VPS13A: variants seen among roughly 807,000 people sequenced by gnomAD.
The protein encoded by VPS13A is vacuolar protein sorting 13 homolog A, also known as intermembrane lipid transfer protein VPS13A.
Under a neutral mutation model 390.9 loss-of-function variants are expected in VPS13A, and 264 were observed. The ratio of observed to expected loss-of-function variants is 0.68; its 90% confidence interval spans 0.61 to 0.75. VPS13A has a LOEUF of 0.75. VPS13A is among the 30% of genes least tolerant of loss of function. The pLI, the probability that VPS13A is intolerant of heterozygous loss-of-function variation, is 0.00. For synonymous variants in VPS13A, 1,231 were observed against 1,227.1 expected (o/e 1.00, Z -0.07); for missense variants, 3,409 against 3,733.9 (o/e 0.91, Z 2.27).
At chr9:77,252,754 G>A (rs897186270) in intron 22 of VPS13A, among the ~76,000 whole-genome samples, 1 of 152,144 alleles carries the variant, frequency 6.6e-6, no homozygotes, top group Admixed American at 6.5e-5. Context: ...CAGATTTTGT[G>A]TGCCTGGGTT....
intron 16 of VPS13A, 21 bp from the exon 17 acceptor site, chr9:77,228,101 A>G (rs377059688): frequency 4.5e-5 from 69 of 1,531,028 alleles, no homozygotes; most frequent in Non-Finnish European, 6.1e-5. Context: ...TTTTCATTTT[A>G]TTCTTCTGAA....
At chr9:77,340,664 T>C (rs536266320) in intron 50 of VPS13A, 114 bp downstream of exon 50, 39 of 1,313,834 alleles carry the variant, frequency 3.0e-5, no homozygotes, top group Non-Finnish European at 1.4e-5. Flanking sequence ...AATTTTGTTT[T>C]AGTTTCATGA....
intron 1 of VPS13A, among the ~76,000 whole-genome samples, chr9:77,197,449 T>C (rs1372902714): frequency 2.0e-5 from 3 of 152,230 alleles, no homozygotes; most frequent in Non-Finnish European, 4.4e-5. Context: ...TCATGTTTGG[T>C]GCATACATGT....
chr9:77,275,393 T>A, intron 24 of VPS13A, 105 bp from the exon 25 acceptor site: 1 of 1,098,458 alleles, frequency 9.1e-7, no homozygotes. Flanking sequence ...TATTTGATAT[T>A]TAAAAGAGAG....
chr9:77,204,756 C>T (rs1237602209), intron 3 of VPS13A, among the ~76,000 whole-genome samples: 4 of 152,092 alleles, frequency 2.6e-5, no homozygotes, highest in Non-Finnish European at 4.4e-5. Flanking sequence ...TCCCAGGTAG[C>T]TGGGACTACA....
chr9:77,395,278 C>G (rs1032542433), intron 68 of VPS13A, among the ~76,000 whole-genome samples: 2 of 152,052 alleles, frequency 1.3e-5, no homozygotes, highest in Non-Finnish European at 2.9e-5. Context: ...ATTGTTGTTT[C>G]TCACGTAATA....
At position 77,353,481 on chromosome 9, in the gene VPS13A, A is replaced by G. The variant is rs1831590291; in HGVS notation, c.7492A>G (p.Ile2498Val). The change falls in exon 54 of 72, where the codon ATT becomes GTT. Residue 2498 changes from isoleucine to valine, a missense_variant. Ile to Val is a conservative substitution (Grantham distance 29). This residue lies in a region of VPS13A where 221 missense variants were observed against 300.7 expected (regional missense o/e 0.73). Coordinates refer to ENST00000360280, the MANE Select transcript of VPS13A (RefSeq NM_033305.3). ...LVSFFEGLQR[I>V]ILFTEDPRVF... is the part of the protein sequence containing the mutation. ...TTCATTCTTTGAAGGTTTACAACGCATTATTTTATTCACTGAAGATCCAAG... is the reference window on the plus strand; with the variant it reads ...TTCATTCTTTGAAGGTTTACAACGCGTTATTTTATTCACTGAAGATCCAAG... 6.2e-7 allele frequency: 1 copy of G among 1,613,038 alleles called. No homozygotes were observed. The highest frequency in any genetic ancestry group is 1.3e-5 in the African/African-American group (1 of 74,904).
At chr9:77,339,448 T>TAGAATTTTG (rs1830698347) in intron 47 of VPS13A, 68 bp from the exon 48 acceptor site, 28 of 1,433,206 alleles carry the variant, frequency 2.0e-5, no homozygotes, top group Non-Finnish European at 2.5e-5. Context: ...AATACATAAA[T>TAGAATTTTG]AGAATTTTGA....
chr9:77,255,533 G>A (rs1354587344), intron 22 of VPS13A, among the ~76,000 whole-genome samples: 1 of 152,058 alleles, frequency 6.6e-6, no homozygotes, highest in East Asian at 1.9e-4. Flanking sequence ...ATCTTTGTCT[G>A]GCTTTGGTAT....
At chr9:77,188,872 T>C (rs1824502816) in intron 1 of VPS13A, among the ~76,000 whole-genome samples, 1 of 152,052 alleles carries the variant, frequency 6.6e-6, no homozygotes, top group South Asian at 2.1e-4. Flanking sequence ...TGATTAGTGA[T>C]GTTGAGTTTT....
At chr9:77,281,837 T>C in intron 27 of VPS13A, 30 bp from the exon 28 acceptor site, 1 of 1,489,860 alleles carries the variant, frequency 6.7e-7, no homozygotes, top group Non-Finnish European at 9.4e-7. Flanking sequence ...TCCTAACGTG[T>C]TCTAACAGAT....
At chr9:77,277,198 C>A (rs1418740431) in intron 26 of VPS13A, among the ~76,000 whole-genome samples, 1 of 152,112 alleles carries the variant, frequency 6.6e-6, no homozygotes, top group Non-Finnish European at 1.5e-5. Flanking sequence ...ACACCAGTTT[C>A]ATTTTATTAA....
rs1228088812 is a variant in VPS13A, at chr9:77,322,629, AATAT to A, written c.5831-432_5831-429del. 2.6e-5 allele frequency among the ~76,000 whole-genome samples: 4 copies of A among 151,930 alleles called. No individual in the cohort carries two copies. The East Asian group carries it at 7.7e-4, about 29-fold the overall frequency. ...CCCAATACAACATGTGTTTTAGGTA[AATAT>A]ATATAAAATTTTATTTAATCAAGTC... On this transcript the variant is annotated intron_variant, in intron 44 of 71. Transcript: ENST00000360280.
rs1202874993 is a variant in VPS13A at position 77,226,593 on chromosome 9, C to G, written c.1352C>G (p.Pro451Arg). The change falls in exon 15 of 72, where the codon CCT (proline) becomes CGT (arginine). Residue 451 changes from proline (P) to arginine (R), a missense_variant. Around this residue, in one of 5 missense-constraint regions of VPS13A, gnomAD observed 2,717 missense variants for 2,917.4 expected, o/e 0.93. Transcript: ENST00000360280. ...AATGAACAGCAACCAGATGTTCAAC[C>G]TGAAAGTATGTCCATTTCATTTTAC... ...NTNEQQPDVQPETLEEMLTPE... is the reference protein window; with the variant it reads ...NTNEQQPDVQRETLEEMLTPE... The G allele has an allele frequency of 6.2e-7, 1 of 1,612,028 alleles. No individual in the cohort carries two copies. The highest frequency in any genetic ancestry group is 1.1e-5 in the South Asian group (1 of 90,888).
chr9:77,277,361 C>A (rs975795476), intron 26 of VPS13A, among the ~76,000 whole-genome samples: 1 of 152,194 alleles, frequency 6.6e-6, no homozygotes, highest in African/African-American at 2.4e-5. Context: ...ACCTGCATAG[C>A]CTTTTTCATT....
At chr9:77,362,740 C>G (rs1166678512) in intron 59 of VPS13A, among the ~76,000 whole-genome samples, 1 of 152,050 alleles carries the variant, frequency 6.6e-6, no homozygotes, top group Non-Finnish European at 1.5e-5. Flanking sequence ...GTCTTTCAGT[C>G]CTTGCACATG....
chr9:77,380,356 A>C (rs1259793434), intron 67 of VPS13A, among the ~76,000 whole-genome samples: 1 of 152,072 alleles, frequency 6.6e-6, no homozygotes, highest in Non-Finnish European at 1.5e-5. Flanking sequence ...TGTGTCGCCC[A>C]GGCTGGAGTG....
chr9:77,318,075 A>G (rs1190117711), intron 40 of VPS13A, among the ~76,000 whole-genome samples, 160 bp from the exon 41 acceptor site: 2 of 151,996 alleles, frequency 1.3e-5, no homozygotes, highest in African/African-American at 2.4e-5. Context: ...AACAAGAATT[A>G]TGGTAATTTA....
In VPS13A at chr9:77,228,107, C is replaced by T. The variant is rs200334710; in HGVS notation, c.1453-15C>T. ...ATATATATGTTTTCATTTTATTCTT[C>T]TGAATATACCTTAGTTTGAAGCCTT... On this transcript the variant is annotated splice_polypyrimidine_tract_variant and intron_variant, in intron 16 of 71. Transcript: ENST00000360280. The T allele has an allele frequency of 5.0e-4, 773 of 1,553,640 alleles. 6 individuals are homozygous for T. Among genetic ancestry groups the T allele is most frequent in the South Asian group, 4.9e-3 (418 of 84,654 alleles).
Sources: gnomAD v4.1 joint callset for allele counts (sites outside exome capture counted in the v4.1 genomes callset) on GRCh38, gnomAD v4.1.1 for gene constraint, gnomAD v4.1.1 regional missense constraint, MANE v1.5 for transcripts, NCBI Gene and HGNC (gene_info 2026-07-23, HGNC 2026-07-21) for gene names.